JARID2: variants seen among roughly 807,000 people sequenced by gnomAD.
JARID2 encodes jumonji and AT-rich interaction domain containing 2.
In JARID2, 21 loss-of-function variants were observed where a neutral mutation model predicts 125.6. The ratio of observed to expected loss-of-function variants is 0.17; its 90% CI spans 0.12 to 0.24. The LOEUF is 0.24. JARID2 is among the 10% of genes least tolerant of loss of function. The pLI, the probability that JARID2 is intolerant of heterozygous loss-of-function variation, is 1.00. For synonymous variants in JARID2, 736 were observed against 661.6 expected, an observed-to-expected ratio of 1.11 and a Z score of -1.73; for missense variants, 1,303 against 1,639.6, an observed-to-expected ratio of 0.79 and a Z score of 3.55.
At chr6:15,247,407 GTT>G in intron 1 of JARID2, 1 of 968,872 alleles carries the variant, frequency 1.0e-6, no homozygotes, top group Non-Finnish European at 1.2e-6. Flanking sequence ...GAGTGTTTTT[GTT>G]TTGTGTGTGG....
At chr6:15,416,544 C>A (rs1342735381) in intron 3 of JARID2, among the ~76,000 whole-genome samples, 1 of 152,178 alleles carries the variant, frequency 6.6e-6, no homozygotes, top group Non-Finnish European at 1.5e-5. Flanking sequence ...GAAAACCAGT[C>A]AGGCGTGGTG....
chr6:15,332,935 C>CTTTTTTTT (rs33921682), intron 1 of JARID2, among the ~76,000 whole-genome samples: 6 of 42,172 alleles, frequency 1.4e-4, no homozygotes, highest in Non-Finnish European at 2.4e-4. Flanking sequence ...CTTTTCTTTT[C>CTTTTTTTT]TTTTTTTTTT....
intron 5 of JARID2, among the ~76,000 whole-genome samples, chr6:15,471,414 A>G (rs1282524784): frequency 2.0e-5 from 3 of 152,206 alleles, no homozygotes; most frequent in East Asian, 3.8e-4. Flanking sequence ...GTGAAGAAAT[A>G]TGAACAAAAC....
chr6:15,277,762 T>C (rs1760586697), intron 1 of JARID2, among the ~76,000 whole-genome samples: 2 of 138,836 alleles, frequency 1.4e-5, no homozygotes, highest in Admixed American at 1.5e-4. Flanking sequence ...AACTTACTAA[T>C]AGATAGCCAA....
intron 3 of JARID2, among the ~76,000 whole-genome samples, chr6:15,414,408 A>G (rs1766038083): frequency 6.6e-6 from 1 of 152,192 alleles, no homozygotes; most frequent in South Asian, 2.1e-4. Flanking sequence ...TTTACTTGAC[A>G]CTAGGGATCT....
intron 1 of JARID2, among the ~76,000 whole-genome samples, chr6:15,367,776 G>A (rs1764030347): frequency 6.6e-6 from 1 of 152,218 alleles, no homozygotes. Context: ...TGCAGGTGGT[G>A]CTGAGCTCAC....
intron 1 of JARID2, among the ~76,000 whole-genome samples, chr6:15,289,672 G>C (rs1016451641): frequency 6.6e-6 from 1 of 152,138 alleles, no homozygotes; most frequent in African/African-American, 2.4e-5. Context: ...TGTCAACAAG[G>C]TAAAACCCTG....
intron 2 of JARID2, among the ~76,000 whole-genome samples, chr6:15,392,573 A>ACT (rs1278443825): frequency 6.6e-6 from 1 of 151,748 alleles, no homozygotes; most frequent in Admixed American, 6.6e-5. Flanking sequence ...ACCCATTAGA[A>ACT]CTGTGTGTGA....
At chr6:15,368,401 A>G (rs1285916733) in intron 1 of JARID2, among the ~76,000 whole-genome samples, 1 of 152,224 alleles carries the variant, frequency 6.6e-6, no homozygotes, top group Non-Finnish European at 1.5e-5. Flanking sequence ...CCCTGCAAAG[A>G]AACAGTCACC....
At chr6:15,418,338 C>T (rs2127582983) in intron 3 of JARID2, among the ~76,000 whole-genome samples, 1 of 151,866 alleles carries the variant, frequency 6.6e-6, no homozygotes, top group Admixed American at 6.6e-5. Context: ...ATGCCTCAGC[C>T]TCCTGAGTAG....
intron 1 of JARID2, among the ~76,000 whole-genome samples, chr6:15,345,177 T>C (rs1265263738): frequency 9.2e-5 from 14 of 152,234 alleles, no homozygotes; most frequent in Non-Finnish European, 2.1e-4. Context: ...GCTGCTTATC[T>C]ATATATGTAG....
In JARID2 at chr6:15,390,114, A is replaced by G. The variant is rs1233708785; in HGVS notation, c.181+15862A>G. Among the ~76,000 whole-genome samples the G allele has an allele frequency of 3.3e-5, 5 of 152,160 alleles. No homozygotes were observed. The East Asian group carries it at 9.6e-4, about 29-fold the overall frequency. On this transcript the variant is annotated intron_variant, in intron 2 of 17. Coordinates refer to ENST00000341776, the MANE Select transcript of JARID2 (RefSeq NM_004973.4). ...TGCCTCCTGCCCTTCCCTGTTTCAG[A>G]GAACAAGTTTCCACAGTAAGGAGGA...
At position 15,336,115 on chromosome 6, in the gene JARID2, GAATA is replaced by G. The variant is rs1234293464; in HGVS notation, c.46-37987_46-37984del. Reference sequence around the variant, plus strand: ...TGAATGAATGAATGAATGAATGAATGAATAAATAAATAAATAAAGGCATGGCCCC... The same window carrying G: ...TGAATGAATGAATGAATGAATGAATGAATAAATAAATAAAGGCATGGCCCC... On this transcript the variant is annotated intron_variant, in intron 1 of 17. Transcript: ENST00000341776. 9.0e-3 allele frequency among the ~76,000 whole-genome samples: 526 copies of G among 58,302 alleles called. 1 individual carries two copies. Among genetic ancestry groups the G allele is most frequent in the South Asian group, 0.031 (54 of 1,716 alleles). The allele number at this position is 58,302 out of a possible 152,430, so 38.2% of individuals were successfully genotyped here.
chr6:15,497,178 T>TG lies in JARID2; in HGVS notation c.1945+11dup. 6.5e-7 allele frequency: 1 copy of TG among 1,537,074 alleles called. No homozygotes were observed. Among genetic ancestry groups the TG allele is most frequent in the Non-Finnish European group, 8.8e-7 (1 of 1,138,064 alleles). On this transcript the variant is annotated intron_variant, in intron 7 of 17. Transcript: ENST00000341776. ...ACGAGCTCCCGCTCATAGGTAGGTC[T>TG]GGGCGGGGGGTCAGGGGGTGGTGCC...
At chr6:15,262,699 G>A (rs773192377) in intron 1 of JARID2, among the ~76,000 whole-genome samples, 1 of 151,898 alleles carries the variant, frequency 6.6e-6, no homozygotes, top group African/African-American at 2.4e-5. Flanking sequence ...CACCACGCCC[G>A]GCTAATTTTT....
intron 4 of JARID2, among the ~76,000 whole-genome samples, chr6:15,457,986 C>T (rs982523420): frequency 4.6e-5 from 7 of 152,090 alleles, no homozygotes; most frequent in Non-Finnish European, 4.4e-5. Context: ...GCAGCCGGCC[C>T]GAGGTATTTG....
intron 1 of JARID2, among the ~76,000 whole-genome samples, chr6:15,368,495 G>A (rs1764053353): frequency 6.6e-6 from 1 of 152,200 alleles, no homozygotes; most frequent in African/African-American, 2.4e-5. Context: ...CTTCTTGTAT[G>A]TGTTGGATCT....
chr6:15,496,975 T>G lies in JARID2; in HGVS notation c.1750T>G (p.Phe584Val), dbSNP rs1244560840. ...IESVRAQVEK[F>V]GMCRVIPPPD... is the part of the protein sequence containing the mutation. The stretch of plus-strand genomic sequence containing the variant: ...GTCGGTCCGCGCTCAGGTGGAGAAG[T>G]TCGGGATGTGCAGGGTGATCCCCCC... The change falls in exon 7 of 18, where the codon TTC becomes GTC. Residue 584 changes from phenylalanine to valine, a missense_variant. This residue lies in a region of JARID2 where 651 missense variants were observed against 581.6 expected (regional missense o/e 1.12). Coordinates refer to ENST00000341776, the MANE Select transcript of JARID2 (RefSeq NM_004973.4). 1.1e-5 allele frequency: 17 copies of G among 1,613,706 alleles called. No individual in the cohort carries two copies. The highest frequency in any genetic ancestry group is 1.4e-5 in the Non-Finnish European group (17 of 1,179,736).
At chr6:15,422,806 G>A (rs1766557526) in intron 3 of JARID2, among the ~76,000 whole-genome samples, 3 of 152,108 alleles carry the variant, frequency 2.0e-5, no homozygotes, top group Admixed American at 1.3e-4. Context: ...TAAGTGCTTG[G>A]CAGAATACTG....
Sources: allele counts gnomAD v4.1 joint callset (sites outside exome capture counted in the v4.1 genomes callset), GRCh38; gene constraint gnomAD v4.1.1; regional missense constraint gnomAD v4.1.1; transcripts MANE v1.5; gene names NCBI Gene and HGNC (gene_info 2026-07-23, HGNC 2026-07-21).